PSD3: variants seen among roughly 807,000 people sequenced by gnomAD.
The protein encoded by PSD3 is pleckstrin and Sec7 domain containing 3, also known as PH and SEC7 domain-containing protein 3.
A neutral mutation model predicts 105.5 loss-of-function variants in PSD3; 49 were observed. That is an observed-to-expected ratio of 0.46 (90% CI 0.37 to 0.59). The LOEUF (loss-of-function observed/expected upper bound fraction) is 0.59. Ranked by LOEUF, PSD3 falls within the 20% of genes least tolerant of loss-of-function variation. The pLI is 0.00. For synonymous variants in PSD3, 557 were observed against 457.8 expected, an observed-to-expected ratio of 1.22 and a Z score of -2.77; for missense variants, 1,561 against 1,263.8, an observed-to-expected ratio of 1.24 and a Z score of -3.57.
chr8:18,905,478 C>T (rs1586382218), intron 2 of PSD3, among the ~76,000 whole-genome samples: 1 of 152,150 alleles, frequency 6.6e-6, no homozygotes, highest in African/African-American at 2.4e-5. Flanking sequence ...TGCACACCAC[C>T]ATTCCCGGAT....
At chr8:18,813,069 G>T (rs769732042) in intron 4 of PSD3, among the ~76,000 whole-genome samples, 2 of 152,094 alleles carry the variant, frequency 1.3e-5, no homozygotes, top group African/African-American at 2.4e-5. Flanking sequence ...ACTAAATTGC[G>T]TGTCTGTGTG....
At chr8:18,560,517 C>T (rs1186950140) in intron 14 of PSD3, among the ~76,000 whole-genome samples, 1 of 151,868 alleles carries the variant, frequency 6.6e-6, no homozygotes, top group Non-Finnish European at 1.5e-5. Context: ...ATACCACAAA[C>T]TCATAAAATT....
intron 1 of PSD3, among the ~76,000 whole-genome samples, chr8:18,964,165 C>T (rs191033524): frequency 2.6e-5 from 4 of 152,228 alleles, no homozygotes; most frequent in South Asian, 4.2e-4. Context: ...TGCTCTGTAA[C>T]CAAGTCTAGA....
At chr8:18,540,716 C>G (rs1402074419) in intron 15 of PSD3, among the ~76,000 whole-genome samples, 1 of 152,146 alleles carries the variant, frequency 6.6e-6, no homozygotes, top group Non-Finnish European at 1.5e-5. Flanking sequence ...GCACTCCTTT[C>G]AAAAGACACT....
chr8:19,016,162 A>G (rs567680228), upstream of PSD3, among the ~76,000 whole-genome samples: 2 of 152,318 alleles, frequency 1.3e-5, no homozygotes, highest in Admixed American at 1.3e-4. Context: ...TTCTGCTACC[A>G]TAGCCCCCAG....
chr8:18,938,869 T>C (rs1194256524), intron 1 of PSD3, among the ~76,000 whole-genome samples: 2 of 152,086 alleles, frequency 1.3e-5, no homozygotes, highest in Non-Finnish European at 1.5e-5. Context: ...ACCCGAGCAG[T>C]CCAAATCTAG....
chr8:18,720,120 T>C (rs1210648931), intron 9 of PSD3, among the ~76,000 whole-genome samples: 1 of 152,024 alleles, frequency 6.6e-6, no homozygotes, highest in East Asian at 1.9e-4. Flanking sequence ...TATGGGAAAC[T>C]CATATATGTA....
intron 3 of PSD3, 54 bp from the exon 4 acceptor site, chr8:18,868,123 C>G (rs1282651694): frequency 6.6e-7 from 1 of 1,507,414 alleles, no homozygotes; most frequent in African/African-American, 1.4e-5. Flanking sequence ...GTCTTTATTT[C>G]TCCCACTTCA....
rs199666650 is a variant in PSD3, at chr8:18,856,116, C to T, written c.1634+11558G>A. On this transcript the variant is annotated intron_variant, in intron 4 of 15. Transcript: ENST00000327040. ...TCCTTCTCTCTGGCATGTCACCCTG[C>T]TCCACGCCACCCACAACCCTTTACA... Among the ~76,000 whole-genome samples, 15 of 152,264 alleles carry T rather than the reference C, an allele frequency of 9.9e-5. No individual in the cohort carries two copies. The East Asian group carries it at 2.9e-3, about 29-fold the overall frequency.
chr8:18,723,744 C>G (rs185276078), intron 9 of PSD3, among the ~76,000 whole-genome samples: 28 of 152,296 alleles, frequency 1.8e-4, no homozygotes, highest in African/African-American at 5.8e-4. Context: ...TTAAAATAAA[C>G]TATCATATGA....
rs536053796 is a variant in PSD3 at position 18,738,227 on chromosome 8, T to A, written c.2172+27222A>T. 3.7e-4 allele frequency among the ~76,000 whole-genome samples: 57 copies of A among 152,270 alleles called. No individual in the cohort carries two copies. In the South Asian group the frequency reaches 7.7e-3, roughly 21 times the overall value. On this transcript the variant is annotated intron_variant, in intron 9 of 15. Coordinates refer to ENST00000327040, the MANE Select transcript of PSD3 (RefSeq NM_015310.4). Reference sequence around the variant, plus strand: ...ATATCATTTCAAATTAGAGGCCTCCTGGCAGGTGGGAAAACCATGGCAGTG... The same window carrying A: ...ATATCATTTCAAATTAGAGGCCTCCAGGCAGGTGGGAAAACCATGGCAGTG...
intron 1 of PSD3, among the ~76,000 whole-genome samples, chr8:19,064,756 TAAAAAC>T (rs1829021074): frequency 6.6e-6 from 1 of 152,202 alleles, no homozygotes; most frequent in Non-Finnish European, 1.5e-5. Flanking sequence ...TTCCAGGAAT[TAAAAAC>T]AAGAACTTGC....
At chr8:18,854,750 CA>C (rs1205683120) in intron 4 of PSD3, among the ~76,000 whole-genome samples, 1 of 152,080 alleles carries the variant, frequency 6.6e-6, no homozygotes, top group Non-Finnish European at 1.5e-5. Context: ...AAATAGACAA[CA>C]AAATAGATTT....
At chr8:18,627,726 G>T (rs75622204) in intron 11 of PSD3, among the ~76,000 whole-genome samples, 3,878 of 150,900 alleles carry the variant, frequency 0.026, 73 homozygotes, top group East Asian at 0.088. Flanking sequence ...TTTTTTAGAT[G>T]AATACAACTA....
At chr8:18,984,443 A>G (rs1310289153) in intron 1 of PSD3, among the ~76,000 whole-genome samples, 1 of 152,236 alleles carries the variant, frequency 6.6e-6, no homozygotes, top group East Asian at 1.9e-4. Flanking sequence ...GAAAACAATC[A>G]ACCAGAATTA....
chr8:18,854,192 C>T (rs1815818483), intron 4 of PSD3: 1 of 152,630 alleles, frequency 6.6e-6, no homozygotes, highest in South Asian at 2.1e-4. Context: ...TCCGCAAGGG[C>T]TCTTTTAATG....
At chr8:18,671,790 T>C (rs1563160299) in intron 9 of PSD3, among the ~76,000 whole-genome samples, 1 of 152,032 alleles carries the variant, frequency 6.6e-6, no homozygotes, top group Non-Finnish European at 1.5e-5. Context: ...CGCCATGACG[T>C]CCGGCTAATT....
At chr8:18,677,756 A>C (rs893233372) in intron 9 of PSD3, among the ~76,000 whole-genome samples, 6 of 152,200 alleles carry the variant, frequency 3.9e-5, no homozygotes, top group Non-Finnish European at 8.8e-5. Context: ...TTACGCCTGT[A>C]ATCTCAGCAC....
At chr8:18,557,741 G>A (rs1256377811) in intron 14 of PSD3, among the ~76,000 whole-genome samples, 1 of 152,180 alleles carries the variant, frequency 6.6e-6, no homozygotes, top group African/African-American at 2.4e-5. Context: ...TTAGAAAGGC[G>A]TCTACATCTC....
Sources: allele counts gnomAD v4.1 joint callset (sites outside exome capture counted in the v4.1 genomes callset), GRCh38; gene constraint gnomAD v4.1.1; transcripts MANE v1.5; gene names NCBI Gene and HGNC (gene_info 2026-07-23, HGNC 2026-07-21).